PRG2: variants seen among roughly 807,000 people sequenced by gnomAD.
PRG2 encodes proteoglycan 2, pro eosinophil major basic protein, also known as bone marrow proteoglycan.
PRG2 carries 23 observed loss-of-function variants against 24.7 expected under a neutral mutation model. The ratio of observed to expected loss-of-function variants is 0.93; its 90% CI spans 0.67 to 1.32. PRG2 has a LOEUF of 1.32. Ranked by LOEUF, PRG2 falls within the 40% of genes most tolerant of loss-of-function variation. The probability of loss-of-function intolerance (pLI) is 0.00; values close to 1 mark genes in which losing one functional copy is unlikely to be tolerated. For missense variants in PRG2, 271 were observed against 280.9 expected, an observed-to-expected ratio of 0.96 and a Z score of 0.25; for synonymous variants, 104 against 99.8, an observed-to-expected ratio of 1.04 and a Z score of -0.25.
intron 4 of PRG2, 127 bp from the exon 5 acceptor site, chr11:57,387,992 G>A: frequency 1.5e-6 from 1 of 647,676 alleles, no homozygotes; most frequent in Non-Finnish European, 2.7e-6. Flanking sequence ...GGACCATGAT[G>A]GGAACTGTCC....
At chr11:57,388,929 A>AG in intron 3 of PRG2, 81 bp downstream of exon 3, 1 of 1,526,186 alleles carries the variant, frequency 6.6e-7, no homozygotes, top group Non-Finnish European at 8.8e-7. Flanking sequence ...AATGGGAAAA[A>AG]GAGCCAGTGA....
At chr11:57,388,933 C>T in intron 3 of PRG2, 77 bp downstream of exon 3, 1 of 1,530,674 alleles carries the variant, frequency 6.5e-7, no homozygotes, top group Non-Finnish European at 8.8e-7. Context: ...GGAAAAAGAG[C>T]CAGTGATAGC....
intron 5 of PRG2, 80 bp downstream of exon 5, chr11:57,387,674 A>G (rs1857071100): frequency 1.2e-5 from 16 of 1,385,080 alleles, no homozygotes; most frequent in Non-Finnish European, 1.6e-5. Flanking sequence ...ACAAAGGGTC[A>G]GGCTCTTTGT....
At position 57,389,331 on chromosome 11, in the gene PRG2, T is replaced by C; in HGVS notation, c.59-14A>G. Reference sequence around the variant, plus strand: ...AAGTCTCAGACCCTGGCAGGGAGGATAGCTAAGTGTCCTTCCTTCACATCT... The same window carrying C: ...AAGTCTCAGACCCTGGCAGGGAGGACAGCTAAGTGTCCTTCCTTCACATCT... On this transcript the variant is annotated splice_polypyrimidine_tract_variant and intron_variant, in intron 2 of 5. Transcript: ENST00000311862. The C allele has an allele frequency of 1.2e-6, 2 of 1,604,740 alleles. No individual in the cohort carries two copies. Among genetic ancestry groups the C allele is most frequent in the Middle Eastern group, 1.7e-4 (1 of 6,042 alleles).
intron 4 of PRG2, among the ~76,000 whole-genome samples, chr11:57,388,252 G>A (rs963044008): frequency 2.6e-5 from 4 of 151,834 alleles, no homozygotes; most frequent in Non-Finnish European, 4.4e-5. Flanking sequence ...TCGGCTCACC[G>A]CAACCTCTGT....
chr11:57,389,019 A>G lies in PRG2; in HGVS notation c.357T>C (p.Ser119=). ...GCCATAGGCCACTCACCCAAGCTTG[A>G]CTAAACGTCTGAAGACTTCTCACCA... is the stretch of plus-strand genomic sequence containing the variant. ...YLLVRSLQTF[S]QAWFTCRRCY... The change falls in exon 3 of 6, where the codon AGT becomes AGC. Residue 119 remains serine (S), a synonymous_variant. Transcript: ENST00000311862. 6.2e-7 allele frequency: 1 copy of G among 1,613,640 alleles called. No homozygotes were observed. The highest frequency in any genetic ancestry group is 8.5e-7 in the Non-Finnish European group (1 of 1,179,796).
rs1386513710 is a variant in PRG2 at position 57,389,195 on chromosome 11, C to T, written c.181G>A (p.Gly61Ser). The T allele has an allele frequency of 1.2e-6, 2 of 1,614,086 alleles. No homozygotes were observed. Among genetic ancestry groups the T allele is most frequent in the African/African-American group, 2.7e-5 (2 of 74,922 alleles). ...CRELEEEEEW[G>S]SGSEDASKKD... ...TTGGAGGCATCTTCACTTCCAGAGC[C>T]CCACTCCTCCTCTTCCTCCAGCTCC... The change falls in exon 3 of 6, where the codon GGC becomes AGC. Residue 61 changes from glycine (G) to serine (S), a missense_variant. Coordinates refer to ENST00000311862, the MANE Select transcript of PRG2 (RefSeq NM_002728.6).
rs201649105 is a variant in PRG2 at position 57,387,518 on chromosome 11, C to T, written c.626G>A (p.Arg209Gln). The T allele has an allele frequency of 3.0e-5, 48 of 1,613,680 alleles. No homozygotes were observed. The highest frequency in any genetic ancestry group is 3.6e-5 in the Non-Finnish European group (42 of 1,179,848). Residue 209 changes from arginine to glutamine, a missense_variant, in exon 6 of 6, where the codon CGA becomes CAA. By Grantham distance (43) the Arg-to-Gln change is conservative. Transcript: ENST00000311862. ...ALCTRGGHWR[R>Q]AHCLRRLPFI... ...AGGAAGTCTTCTGAGGCAGTGGGCT[C>T]GACGCCAGTGGCCTCCTGTGAAGGC...
Position 57,389,872 on chromosome 11 carries a change from G to C in PRG2, c.58+15C>G. The C allele has an allele frequency of 6.3e-7, 1 of 1,597,970 alleles. No homozygotes were observed. Among genetic ancestry groups the C allele is most frequent in the Non-Finnish European group, 8.6e-7 (1 of 1,167,734 alleles). On this transcript the variant is annotated intron_variant, in intron 2 of 5. Transcript: ENST00000311862. ...AAAAACAGAGAAAGAAAGACTGAAG[G>C]CAAAAAACACTTACTTAGATGAAGA... is the stretch of plus-strand genomic sequence containing the variant.
rs1857125358 is a variant in PRG2, at chr11:57,389,917, G to A, written c.28C>T (p.Leu10=). The change falls in exon 2 of 6, where the codon CTA becomes TTA. Residue 10 remains leucine, a synonymous_variant. Transcript: ENST00000311862. MKLPLLLAL[L]FGAVSALHLR... is the part of the protein sequence containing the mutation. ...TGAAGAGCAGAAACTGCCCCAAATA[G>A]AAGAGCCAGAAGTAAGGGGAGTTTC... is the stretch of plus-strand genomic sequence containing the variant. 6.2e-7 allele frequency: 1 copy of A among 1,612,556 alleles called. No individual in the cohort carries two copies.
intron 4 of PRG2, among the ~76,000 whole-genome samples, 161 bp from the exon 5 acceptor site, chr11:57,388,026 C>T (rs570470063): frequency 4.6e-5 from 7 of 152,326 alleles, no homozygotes; most frequent in South Asian, 4.1e-4. Context: ...TGCTGATCCA[C>T]GGCAATTATC....
chr11:57,389,806 G>C (rs544433845), intron 2 of PRG2, 81 bp downstream of exon 2: 1 of 1,233,576 alleles, frequency 8.1e-7, no homozygotes, highest in Non-Finnish European at 1.2e-6. Context: ...CAAAGAAGGG[G>C]GTGGGTGTGT....
Position 57,387,794 on chromosome 11 carries a change from G to A in PRG2, c.570C>T (p.Pro190=). 1 of 1,593,428 alleles carries A rather than the reference G, an allele frequency of 6.3e-7. No homozygotes were observed. Among genetic ancestry groups the A allele is most frequent in the Non-Finnish European group, 8.5e-7 (1 of 1,170,748 alleles). The change falls in exon 5 of 6, where the codon CCC becomes CCT. Residue 190 remains proline (P), a synonymous_variant. Coordinates refer to ENST00000311862, the MANE Select transcript of PRG2 (RefSeq NM_002728.6). ...WNFAYWAAHQ[P]WSRGGHCVAL... The stretch of plus-strand genomic sequence containing the variant: ...CCACGCAGTGACCACCGCGGGACCA[G>A]GGCTGGTGAGCAGCCCAGTATGCAA...
intron 3 of PRG2, 57 bp downstream of exon 3, chr11:57,388,953 G>T (rs1414984938): frequency 2.6e-6 from 4 of 1,564,208 alleles, no homozygotes; most frequent in Non-Finnish European, 3.5e-6. Flanking sequence ...CAATGCTGGG[G>T]GCATATCCCA....
chr11:57,388,199 A>C (rs925890746), intron 4 of PRG2, among the ~76,000 whole-genome samples: 4 of 151,454 alleles, frequency 2.6e-5, no homozygotes, highest in African/African-American at 2.4e-5. Flanking sequence ...TTTGAGGCGG[A>C]GTTTCGCTCT....
Position 57,388,646 on chromosome 11 carries a change from A to G in PRG2, c.429T>C (p.Tyr143=). The G allele has an allele frequency of 1.2e-6, 2 of 1,614,064 alleles. No individual in the cohort carries two copies. The highest frequency in any genetic ancestry group is 1.7e-6 in the Non-Finnish European group (2 of 1,179,950). The stretch of plus-strand genomic sequence containing the variant: ...GCGCGCTGACAGAACACTGGATTCG[A>G]TAATTAATATTGAAGTTGTGGATGG... ...LVSIHNFNIN[Y]RIQCSVSALN... The change falls in exon 4 of 6, where the codon TAT becomes TAC. Residue 143 remains tyrosine (Y), a synonymous_variant. Transcript: ENST00000311862.
chr11:57,389,790 G>A, intron 2 of PRG2, 97 bp downstream of exon 2: 1 of 1,112,300 alleles, frequency 9.0e-7, no homozygotes, highest in Non-Finnish European at 1.3e-6. Context: ...AGAAATAGAA[G>A]ACGATCAAAG....
At position 57,390,599 on chromosome 11, in the gene PRG2, C is replaced by T. The variant is rs1053645830; in HGVS notation, c.-16G>A. 7.1e-6 allele frequency: 7 copies of T among 985,502 alleles called. No individual in the cohort carries two copies. The highest frequency in any genetic ancestry group is 8.4e-6 in the Non-Finnish European group (7 of 830,038). The allele number at this position is 985,502 out of a possible 1,614,324, so 61.0% of individuals were successfully genotyped here. On this transcript the variant is annotated 5_prime_UTR_variant, in exon 1 of 6. It adds an upstream start codon to the 5' untranslated region. Coordinates refer to ENST00000311862, the MANE Select transcript of PRG2 (RefSeq NM_002728.6). ...CCACAGCAGAGAAAGCACTCACCCA[C>T]CCAGAGACCTTCCTGGGTCTTTAGA...
chr11:57,387,334 G>A lies in PRG2; in HGVS notation c.*141C>T. On this transcript the variant is annotated 3_prime_UTR_variant, in exon 6 of 6. Transcript: ENST00000311862. ...AGTTTCAATGAGGGCTAAGCAGAGT[G>A]GATCCGCGATCAGAGGAGAAAATAA... 1 of 717,984 alleles carries A rather than the reference G, an allele frequency of 1.4e-6. No individual in the cohort carries two copies. The highest frequency in any genetic ancestry group is 2.4e-6 in the Non-Finnish European group (1 of 422,800). The allele number at this position is 717,984 out of a possible 1,614,324, so 44.5% of individuals were successfully genotyped here.
Sources: allele counts gnomAD v4.1 joint callset (sites outside exome capture counted in the v4.1 genomes callset), GRCh38; gene constraint gnomAD v4.1.1; transcripts MANE v1.5; gene names NCBI Gene and HGNC (gene_info 2026-07-23, HGNC 2026-07-21).